GALNT11: variants seen among roughly 807,000 people sequenced by gnomAD.
The protein encoded by GALNT11 is polypeptide N-acetylgalactosaminyltransferase 11, also known as UDP-GalNAc:polypeptide N-acetylgalactosaminyltransferase 11.
Under a neutral mutation model 72.7 loss-of-function variants are expected in GALNT11, and 47 were observed. That is an observed-to-expected ratio of 0.65 (90% confidence interval 0.51 to 0.82). The LOEUF is 0.82. Ranked by LOEUF, GALNT11 falls within the 40% of genes least tolerant of loss-of-function variation. The pLI, the probability that GALNT11 is intolerant of heterozygous loss-of-function variation, is 0.00. For synonymous variants in GALNT11, 270 were observed against 286.6 expected, an observed-to-expected ratio of 0.94 and a Z score of 0.58; for missense variants, 677 against 778.4, an observed-to-expected ratio of 0.87 and a Z score of 1.55.
In GALNT11 at chr7:152,055,184, A is replaced by G. The variant is rs543976347; in HGVS notation, c.-39+29300A>G. Among the ~76,000 whole-genome samples, 6 of 152,338 alleles carry G rather than the reference A, an allele frequency of 3.9e-5. No homozygotes were observed. The East Asian group carries it at 1.2e-3, about 29-fold the overall frequency. On this transcript the variant is annotated intron_variant, in intron 1 of 11. Transcript: ENST00000430044. Reference sequence around the variant, plus strand: ...TCATTTTAATTTAACTATTCTTTAAAGACTCTATCTGTAAATACAGTTACA... The same window carrying G: ...TCATTTTAATTTAACTATTCTTTAAGGACTCTATCTGTAAATACAGTTACA...
chr7:152,078,656 TC>T (rs2085130078), intron 1 of GALNT11, among the ~76,000 whole-genome samples: 3 of 152,208 alleles, frequency 2.0e-5, no homozygotes, highest in Admixed American at 1.3e-4. Context: ...AGATTGAGCT[TC>T]CTTCCCCTCC....
At chr7:152,039,155 A>G (rs2082725054) in intron 1 of GALNT11, among the ~76,000 whole-genome samples, 1 of 152,200 alleles carries the variant, frequency 6.6e-6, no homozygotes, top group Non-Finnish European at 1.5e-5. Flanking sequence ...ACGCAGACTG[A>G]GGTGCAATTC....
intron 5 of GALNT11, chr7:152,107,150 A>C (rs2087652549): frequency 6.6e-6 from 1 of 152,082 alleles, no homozygotes; most frequent in South Asian, 2.1e-4. Context: ...ACATTTCACG[A>C]GTGCACTTTT....
intron 1 of GALNT11, among the ~76,000 whole-genome samples, chr7:152,046,436 C>G (rs887426637): frequency 6.6e-6 from 1 of 152,152 alleles, no homozygotes; most frequent in African/African-American, 2.4e-5. Flanking sequence ...GGATCTATCT[C>G]TCTCTTTAGC....
intron 2 of GALNT11, among the ~76,000 whole-genome samples, chr7:152,100,016 C>A (rs796441243): frequency 3.4e-5 from 5 of 145,804 alleles, no homozygotes; most frequent in African/African-American, 1.3e-4. Context: ...TGGGCTCAAG[C>A]AGTCCTCCTG....
chr7:152,031,241 T>C (rs537794584), intron 1 of GALNT11, among the ~76,000 whole-genome samples: 2 of 152,326 alleles, frequency 1.3e-5, no homozygotes, highest in East Asian at 1.9e-4. Flanking sequence ...TCTCCACAAA[T>C]GAACTTCTGT....
At chr7:152,058,669 C>T (rs1483437945) in intron 1 of GALNT11, among the ~76,000 whole-genome samples, 3 of 152,152 alleles carry the variant, frequency 2.0e-5, no homozygotes, top group African/African-American at 4.8e-5. Flanking sequence ...TAAAGTCTGA[C>T]TCATCGATTG....
rs137978931 is a variant in GALNT11, at chr7:152,116,313, C to T, written c.1234-844C>T. ...TTGCCCAGGCTGTAGTGCAGTGGCA[C>T]GATCTCAATTCACTGCAACCTCCAC... On this transcript the variant is annotated intron_variant, in intron 8 of 11. Transcript: ENST00000430044. 4.1e-3 allele frequency among the ~76,000 whole-genome samples: 626 copies of T among 152,194 alleles called. 4 individuals are homozygous for T. The highest frequency in any genetic ancestry group is 0.014 in the African/African-American group (598 of 41,546).
intron 1 of GALNT11, among the ~76,000 whole-genome samples, chr7:152,086,220 T>A (rs2085641405): frequency 2.0e-5 from 3 of 152,048 alleles, no homozygotes; most frequent in Admixed American, 2.0e-4. Flanking sequence ...AGACGGGGTT[T>A]TACTATGTTG....
chr7:152,060,574 C>G (rs1267400942), intron 1 of GALNT11, among the ~76,000 whole-genome samples: 1 of 151,978 alleles, frequency 6.6e-6, no homozygotes, highest in Non-Finnish European at 1.5e-5. Flanking sequence ...GTGCTGCACT[C>G]ATTAACTCGT....
At chr7:152,051,784 T>C (rs13224170) in intron 1 of GALNT11, among the ~76,000 whole-genome samples, 7,572 of 152,320 alleles carry the variant, frequency 0.05, 313 homozygotes, top group East Asian at 0.2. Flanking sequence ...TGTGTATCAC[T>C]CGAACTTTTC....
At chr7:152,116,429 G>T (rs1038045395) in intron 8 of GALNT11, among the ~76,000 whole-genome samples, 5 of 152,026 alleles carry the variant, frequency 3.3e-5, no homozygotes, top group African/African-American at 1.2e-4. Context: ...GTAGAGACAC[G>T]GTTTCACCAT....
chr7:152,055,557 GTGTGTGTGTGTATATATACA>G (rs2083625309), intron 1 of GALNT11, among the ~76,000 whole-genome samples: 1 of 139,670 alleles, frequency 7.2e-6, no homozygotes. Context: ...GTGTGTGTGT[GTGTGTGTGTGTATATATACA>G]TATATATATA....
intron 11 of GALNT11, among the ~76,000 whole-genome samples, chr7:152,121,288 G>A (rs577250071): frequency 6.6e-6 from 1 of 152,324 alleles, no homozygotes; most frequent in South Asian, 2.1e-4. Context: ...GGCGGAGGTG[G>A]GCGGATCGCC....
At chr7:152,041,975 G>A (rs2152008784) in intron 1 of GALNT11, among the ~76,000 whole-genome samples, 1 of 152,284 alleles carries the variant, frequency 6.6e-6, no homozygotes, top group African/African-American at 2.4e-5. Flanking sequence ...TCATAATATT[G>A]GAGTAATATT....
chr7:152,029,364 C>A (rs1234410645), intron 1 of GALNT11, among the ~76,000 whole-genome samples: 1 of 152,138 alleles, frequency 6.6e-6, no homozygotes, highest in African/African-American at 2.4e-5. Context: ...GTAGCAGTGG[C>A]CATTTCTAAC....
chr7:152,105,396 T>C (rs2087425879), intron 5 of GALNT11, 26 bp downstream of exon 5: 1 of 1,604,194 alleles, frequency 6.2e-7, no homozygotes, highest in African/African-American at 1.3e-5. Flanking sequence ...AGCTTTGCTC[T>C]ACAGGTGTTG....
Position 152,109,260 on chromosome 7 carries a change from AG to A in GALNT11, c.962+974del, listed in dbSNP as rs376204447. Among the ~76,000 whole-genome samples, 65 of 152,370 alleles carry A rather than the reference AG, an allele frequency of 4.3e-4. 1 individual carries two copies. The highest frequency in any genetic ancestry group is 1.5e-3 in the African/African-American group (64 of 41,580). ...TCCTTATGTTTCACCATTGTTTTGA[AG>A]AACATGTTTACTCAGTATCCAGTTC... On this transcript the variant is annotated intron_variant, in intron 6 of 11. Transcript: ENST00000430044.
chr7:152,100,998 C>T (rs1295394160), intron 3 of GALNT11, 77 bp downstream of exon 3: 9 of 1,552,508 alleles, frequency 5.8e-6, no homozygotes, highest in South Asian at 2.3e-5. Flanking sequence ...GTCACGAGGA[C>T]GGGGTTCATA....
Sources: gnomAD v4.1 joint callset for allele counts (sites outside exome capture counted in the v4.1 genomes callset) on GRCh38, gnomAD v4.1.1 for gene constraint, MANE v1.5 for transcripts, NCBI Gene and HGNC (gene_info 2026-07-23, HGNC 2026-07-21) for gene names.